Variants in ME3 observed in about 807,000 individuals in gnomAD.
ME3 encodes NADP-dependent malic enzyme, mitochondrial.
ME3 carries 48 observed loss-of-function variants against 68.9 expected under a neutral mutation model. The ratio of observed to expected loss-of-function variants is 0.70; its 90% CI spans 0.55 to 0.89. The LOEUF (loss-of-function observed/expected upper bound fraction) is 0.89, where lower values mean the gene tolerates loss of function less well. ME3 is among the 40% of genes least tolerant of loss of function. The pLI, the probability that ME3 is intolerant of heterozygous loss-of-function variation, is 0.00. For missense variants in ME3, 675 were observed against 797.4 expected, an observed-to-expected ratio of 0.85 and a Z score of 1.85; for synonymous variants, 320 against 318.8, an observed-to-expected ratio of 1.00 and a Z score of -0.04.
intron 2 of ME3, among the ~76,000 whole-genome samples, chr11:86,562,916 TGTG>T (rs1244975623): frequency 6.6e-6 from 1 of 152,096 alleles, no homozygotes; most frequent in Non-Finnish European, 1.5e-5. Flanking sequence ...AGCGATAACA[TGTG>T]GTATTTGGAT....
chr11:86,577,767 T>G (rs149780043), intron 2 of ME3, among the ~76,000 whole-genome samples: 3 of 152,368 alleles, frequency 2.0e-5, no homozygotes, highest in African/African-American at 7.2e-5. Context: ...ATATCTTGCA[T>G]ATTTTTACTG....
chr11:86,599,991 A>G (rs925668820), intron 2 of ME3, among the ~76,000 whole-genome samples: 1 of 152,252 alleles, frequency 6.6e-6, no homozygotes, highest in Non-Finnish European at 1.5e-5. Context: ...CCACTGCAAA[A>G]TCATGCCAAA....
At chr11:86,646,471 G>C (rs146747539) in intron 2 of ME3, among the ~76,000 whole-genome samples, 6 of 152,150 alleles carry the variant, frequency 3.9e-5, no homozygotes, top group Non-Finnish European at 5.9e-5. Context: ...GATTAACTTA[G>C]TAAAATAAAG....
intron 7 of ME3, among the ~76,000 whole-genome samples, chr11:86,480,696 C>T (rs1951352239): frequency 6.6e-6 from 1 of 152,116 alleles, no homozygotes; most frequent in Non-Finnish European, 1.5e-5. Context: ...GAGTGCTTTC[C>T]CCACATGTAG....
intron 4 of ME3, among the ~76,000 whole-genome samples, chr11:86,539,907 A>T (rs934512737): frequency 2.6e-5 from 4 of 152,162 alleles, no homozygotes; most frequent in African/African-American, 9.7e-5. Context: ...GATGAGCTTT[A>T]AAACAAATCT....
chr11:86,599,399 GA>G (rs543267793), intron 2 of ME3, among the ~76,000 whole-genome samples: 3 of 152,220 alleles, frequency 2.0e-5, no homozygotes, highest in South Asian at 2.1e-4. Flanking sequence ...GAAGTTTAGA[GA>G]AAAAAGAATA....
At chr11:86,617,970 CAA>C (rs1943083207) in intron 2 of ME3, among the ~76,000 whole-genome samples, 1 of 152,000 alleles carries the variant, frequency 6.6e-6, no homozygotes, top group Admixed American at 6.6e-5. Context: ...AACCATTATT[CAA>C]TATCGGACCT....
At chr11:86,474,132 G>A (rs1329924309) in intron 7 of ME3, among the ~76,000 whole-genome samples, 1 of 152,164 alleles carries the variant, frequency 6.6e-6, no homozygotes, top group Non-Finnish European at 1.5e-5. Flanking sequence ...TCCCTTCCCA[G>A]CTCCCAGACT....
At chr11:86,554,393 T>C (rs1408140607) in intron 4 of ME3, among the ~76,000 whole-genome samples, 2 of 152,220 alleles carry the variant, frequency 1.3e-5, no homozygotes, top group African/African-American at 2.4e-5. Flanking sequence ...TGTGTATGTT[T>C]GCATAATTTT....
intron 2 of ME3, among the ~76,000 whole-genome samples, chr11:86,639,829 T>C (rs1057099812): frequency 1.3e-5 from 2 of 152,202 alleles, no homozygotes; most frequent in Admixed American, 1.3e-4. Context: ...GTTACGTGGT[T>C]GAAAGTCTCT....
chr11:86,640,914 C>A (rs1467779267), intron 2 of ME3, among the ~76,000 whole-genome samples: 2 of 152,092 alleles, frequency 1.3e-5, no homozygotes, highest in Admixed American at 1.3e-4. Context: ...ATTGCCCTTT[C>A]CCCATCTCCC....
At chr11:86,586,178 C>G (rs985480506) in intron 2 of ME3, among the ~76,000 whole-genome samples, 1 of 152,152 alleles carries the variant, frequency 6.6e-6, no homozygotes, top group Non-Finnish European at 1.5e-5. Flanking sequence ...GGGATGGAAT[C>G]CTCACTTCCA....
intron 2 of ME3, among the ~76,000 whole-genome samples, chr11:86,652,863 AG>A (rs911055378): frequency 1.3e-5 from 2 of 152,088 alleles, no homozygotes; most frequent in African/African-American, 4.8e-5. Flanking sequence ...TCACGTGCAG[AG>A]ACACACACAG....
At chr11:86,537,796 AT>A (rs1226451068) in intron 4 of ME3, among the ~76,000 whole-genome samples, 21 of 152,310 alleles carry the variant, frequency 1.4e-4, no homozygotes, top group African/African-American at 5.1e-4. Context: ...TAACATCTGT[AT>A]TGGCTAGAGT....
At chr11:86,449,856 C>G in intron 10 of ME3, 33 bp downstream of exon 10, 1 of 1,542,066 alleles carries the variant, frequency 6.5e-7, no homozygotes, top group Non-Finnish European at 8.9e-7. Context: ...TATAAGGTGT[C>G]AGGAAACCTC....
chr11:86,465,261 C>T, intron 7 of ME3, 61 bp from the exon 8 acceptor site: 1 of 1,304,630 alleles, frequency 7.7e-7, no homozygotes, highest in South Asian at 1.2e-5. Flanking sequence ...CCTGACAGAT[C>T]CCAGCTTGCA....
intron 4 of ME3, among the ~76,000 whole-genome samples, chr11:86,530,694 G>C (rs1359036743): frequency 6.6e-6 from 1 of 152,074 alleles, no homozygotes; most frequent in South Asian, 2.1e-4. Context: ...AAATAATGCT[G>C]CTTATCTACA....
chr11:86,559,931 A>C, intron 2 of ME3, 108 bp from the exon 3 acceptor site: 1 of 1,224,344 alleles, frequency 8.2e-7, no homozygotes, highest in Non-Finnish European at 1.1e-6. Context: ...GACTCAGTAG[A>C]AAGGGCCCTC....
chr11:86,649,035 T>C (rs1945224275), intron 2 of ME3, among the ~76,000 whole-genome samples: 1 of 152,106 alleles, frequency 6.6e-6, no homozygotes, highest in African/African-American at 2.4e-5. Context: ...CAGGCCAATA[T>C]CTCTGATGAA....
Sources: gnomAD v4.1 joint callset for allele counts (sites outside exome capture counted in the v4.1 genomes callset) on GRCh38, gnomAD v4.1.1 for gene constraint, MANE v1.5 for transcripts, NCBI Gene and HGNC (gene_info 2026-07-23, HGNC 2026-07-21) for gene names.